Variants in CAV1 observed in about 807,000 individuals in gnomAD.
The protein encoded by CAV1 is caveolin 1, also known as caveolin-1.
Under a neutral mutation model 16.5 loss-of-function variants are expected in CAV1, and 10 were observed. The observed-to-expected ratio is 0.61, with a 90% CI of 0.37 to 1.03. The LOEUF is 1.03. Ranked by LOEUF, CAV1 falls within the 50% of genes least tolerant of loss-of-function variation. CAV1 has a pLI of 0.01. For synonymous variants in CAV1, 76 were observed against 85.1 expected (o/e 0.89, Z 0.59); for missense variants, 212 against 232.8 (o/e 0.91, Z 0.58).
chr7:116,555,550 A>G (rs866481541), intron 2 of CAV1, among the ~76,000 whole-genome samples: 540 of 48,150 alleles, frequency 0.011, 40 homozygotes, highest in African/African-American at 0.021. Context: ...GAGAGAAAGA[A>G]AGAAAGAAAG....
chr7:116,542,003 C>T (rs1302407825), intron 2 of CAV1, among the ~76,000 whole-genome samples: 3 of 152,124 alleles, frequency 2.0e-5, no homozygotes, highest in Non-Finnish European at 4.4e-5. Flanking sequence ...CCTATGCCAG[C>T]AGGATACTTG....
intron 2 of CAV1, among the ~76,000 whole-genome samples, chr7:116,552,559 G>A (rs1459548003): frequency 6.6e-6 from 1 of 152,198 alleles, no homozygotes; most frequent in Non-Finnish European, 1.5e-5. Flanking sequence ...GGCAGCTGCT[G>A]GCATTGCTTC....
intron 2 of CAV1, among the ~76,000 whole-genome samples, chr7:116,536,431 A>G (rs1188585612): frequency 6.6e-6 from 1 of 152,198 alleles, no homozygotes; most frequent in Admixed American, 6.5e-5. Flanking sequence ...GAGGTCATGT[A>G]ATCAAAGGAC....
At chr7:116,534,377 ATATATATATATATATATATTTTTTTT>A (rs1793753718) in intron 2 of CAV1, among the ~76,000 whole-genome samples, 1 of 14,768 alleles carries the variant, frequency 6.8e-5, no homozygotes, top group Admixed American at 9.5e-4. Flanking sequence ...ATATATATAT[ATATATATATATATATATATTTTTTTT>A]TTTTTTTTTT....
At chr7:116,527,941 G>A (rs1052221234) in intron 2 of CAV1, among the ~76,000 whole-genome samples, 2 of 152,176 alleles carry the variant, frequency 1.3e-5, no homozygotes, top group Admixed American at 6.5e-5. Flanking sequence ...AGCATTTGCA[G>A]CTTTTTTTGA....
intron 2 of CAV1, among the ~76,000 whole-genome samples, chr7:116,532,516 T>TAC (rs1179318390): frequency 6.6e-6 from 1 of 152,202 alleles, no homozygotes; most frequent in Non-Finnish European, 1.5e-5. Flanking sequence ...TATTCCAAGA[T>TAC]ACACACACTC....
At chr7:116,552,005 G>A (rs947366789) in intron 2 of CAV1, 10 of 152,986 alleles carry the variant, frequency 6.5e-5, no homozygotes, top group African/African-American at 2.2e-4. Context: ...GAGAGAACAA[G>A]AAAGGCAAGC....
rs112605116 is a variant in CAV1 at position 116,538,709 on chromosome 7, T to C, written c.195+12020T>C. Among the ~76,000 whole-genome samples, 1,122 of 152,292 alleles carry C rather than the reference T, an allele frequency of 7.4e-3. 17 individuals are homozygous for C. Among genetic ancestry groups the C allele is most frequent in the African/African-American group, 0.026 (1,061 of 41,556 alleles). Reference sequence around the variant, plus strand: ...CAGAAAGGGCATTATATTAGTCTGTTTTCACGCTGCTGATAAAGACATATC... The same window carrying C: ...CAGAAAGGGCATTATATTAGTCTGTCTTCACGCTGCTGATAAAGACATATC... On this transcript the variant is annotated intron_variant, in intron 2 of 2. Transcript: ENST00000341049.
chr7:116,542,861 C>T (rs1325014187), intron 2 of CAV1: 1 of 152,176 alleles, frequency 6.6e-6, no homozygotes, highest in East Asian at 1.9e-4. Context: ...AAGCTGACAA[C>T]ATGCACTAGT....
At chr7:116,546,701 A>AAAAAAAAAATAAAAAAT (rs1454713594) in intron 2 of CAV1, among the ~76,000 whole-genome samples, 3 of 150,138 alleles carry the variant, frequency 2.0e-5, no homozygotes, top group Non-Finnish European at 4.4e-5. Flanking sequence ...CTGTCACAAA[A>AAAAAAAAAATAAAAAAT]AAAAAAAAAA....
chr7:116,526,579 A>T lies in CAV1; in HGVS notation c.85A>T (p.Asn29Tyr). 6.2e-7 allele frequency: 1 copy of T among 1,614,148 alleles called. No homozygotes were observed. The highest frequency in any genetic ancestry group is 8.5e-7 in the Non-Finnish European group (1 of 1,180,046). ...REQGNIYKPN[N>Y]KAMADELSEK... ...ACAGGGCAACATCTACAAGCCCAAC[A>T]ACAAGGCCATGGCAGACGAGCTGAG... Residue 29 changes from asparagine (N) to tyrosine (Y), a missense_variant, in exon 2 of 3, where the codon AAC becomes TAC. By Grantham distance (143) the Asn-to-Tyr change is moderately radical. Coordinates refer to ENST00000341049, the MANE Select transcript of CAV1 (RefSeq NM_001753.5).
chr7:116,555,522 G>GAAAGAA lies in CAV1; in HGVS notation c.196-3423_196-3422insAAGAAA, dbSNP rs1562838241. 4.1e-3 allele frequency among the ~76,000 whole-genome samples: 22 copies of GAAAGAA among 5,344 alleles called. 5 individuals are homozygous for GAAAGAA. In the South Asian group the frequency reaches 0.053, roughly 13 times the overall value. The allele number at this position is 5,344 out of a possible 152,430, so 3.5% of individuals were successfully genotyped here. A position where few individuals can be genotyped will look rare whatever the true frequency, so the allele number is the denominator to read the frequency against. On this transcript the variant is annotated intron_variant, in intron 2 of 2. Transcript: ENST00000341049. The stretch of plus-strand genomic sequence containing the variant: ...AAAGAAAGAAAGAAAGAAAGAAAGA[G>GAAAGAA]AGAGAGAGAGAGAGAGAGAGAGAAA...
chr7:116,534,328 A>G (rs916816438), intron 2 of CAV1, among the ~76,000 whole-genome samples: 24 of 136,032 alleles, frequency 1.8e-4, no homozygotes, highest in African/African-American at 6.1e-4. Context: ...AATCAGAGGA[A>G]TGTTTACAAA....
At chr7:116,534,903 C>T (rs1793776094) in intron 2 of CAV1, among the ~76,000 whole-genome samples, 1 of 152,100 alleles carries the variant, frequency 6.6e-6, no homozygotes, top group Non-Finnish European at 1.5e-5. Context: ...AGATGTTTTC[C>T]CTGCCAGTAG....
rs150871866 is a variant in CAV1 at position 116,539,204 on chromosome 7, C to T, written c.195+12515C>T. Among the ~76,000 whole-genome samples the T allele has an allele frequency of 7.2e-3, 1,095 of 152,216 alleles. 10 individuals are homozygous for T. The highest frequency in any genetic ancestry group is 0.027 in the Middle Eastern group (8 of 294). ...AATCAGCATCTCTTCTCCTTGCCCC[C>T]GCCATCCTTTGTTTTTATCTCTGCT... On this transcript the variant is annotated intron_variant, in intron 2 of 2. Transcript: ENST00000341049.
chr7:116,558,863 A>G (rs1184511144), intron 2 of CAV1, 83 bp from the exon 3 acceptor site: 6 of 1,007,810 alleles, frequency 6.0e-6, no homozygotes, highest in African/African-American at 4.8e-5. Context: ...CTAATACAGT[A>G]TATGTCTATG....
At chr7:116,539,728 C>A (rs147257477) in intron 2 of CAV1, among the ~76,000 whole-genome samples, 1 of 152,092 alleles carries the variant, frequency 6.6e-6, no homozygotes, top group Non-Finnish European at 1.5e-5. Context: ...AGTAAGCAAG[C>A]TGTGGCATCC....
chr7:116,559,353 A>C lies in CAV1; in HGVS notation c.*66A>C. On this transcript the variant is annotated 3_prime_UTR_variant, in exon 3 of 3. Transcript: ENST00000341049. The stretch of plus-strand genomic sequence containing the variant: ...TTTTAATTTTCCTGGTGCCAATTTC[A>C]AGTTCCAAGTTGCTAATACAGCAAC... The C allele has an allele frequency of 1.8e-6, 2 of 1,139,508 alleles. No homozygotes were observed. Among genetic ancestry groups the C allele is most frequent in the Non-Finnish European group, 2.6e-6 (2 of 764,724 alleles). The allele number at this position is 1,139,508 out of a possible 1,614,324, so 70.6% of individuals were successfully genotyped here. A position where few individuals can be genotyped will look rare whatever the true frequency, so the allele number is the denominator to read the frequency against.
intron 2 of CAV1, among the ~76,000 whole-genome samples, chr7:116,534,679 C>T (rs1024400612): frequency 1.3e-5 from 2 of 151,648 alleles, no homozygotes; most frequent in African/African-American, 2.4e-5. Context: ...GGATTACAGG[C>T]GTGAGCCACT....
Sources: gnomAD v4.1 joint callset for allele counts (sites outside exome capture counted in the v4.1 genomes callset) on GRCh38, gnomAD v4.1.1 for gene constraint, MANE v1.5 for transcripts, NCBI Gene and HGNC (gene_info 2026-07-23, HGNC 2026-07-21) for gene names.